Variants in ARIH1 observed in about 807,000 individuals in gnomAD.
ARIH1 encodes the protein E3 ubiquitin-protein ligase ARIH1.
In ARIH1, 8 loss-of-function variants were observed where a neutral mutation model predicts 85.0. The observed-to-expected ratio is 0.09, with a 90% CI of 0.06 to 0.17. The LOEUF (loss-of-function observed/expected upper bound fraction) is 0.17. ARIH1 is among the 10% of genes least tolerant of loss of function. The probability of loss-of-function intolerance (pLI) is 1.00; values close to 1 mark genes in which losing one functional copy is unlikely to be tolerated. For missense variants in ARIH1, 311 were observed against 718.1 expected, an observed-to-expected ratio of 0.43 and a Z score of 6.48; for synonymous variants, 238 against 253.6, an observed-to-expected ratio of 0.94 and a Z score of 0.59.
chr15:72,528,982 T>C (rs2064042951), intron 2 of ARIH1, among the ~76,000 whole-genome samples: 1 of 152,006 alleles, frequency 6.6e-6, no homozygotes, highest in South Asian at 2.1e-4. Flanking sequence ...GGGCGGATCA[T>C]GAGGTCAGGA....
At chr15:72,475,133 G>T (rs1404254079) in intron 1 of ARIH1, 119 bp downstream of exon 1, 4 of 1,439,196 alleles carry the variant, frequency 2.8e-6, no homozygotes, top group African/African-American at 1.5e-5. Flanking sequence ...GTGCCTCCCG[G>T]CCTTGTCTTC....
chr15:72,572,245 T>C (rs2064251687), intron 11 of ARIH1, 80 bp downstream of exon 11: 1 of 1,139,446 alleles, frequency 8.8e-7, no homozygotes, highest in African/African-American at 1.6e-5. Flanking sequence ...TAATTTTTTT[T>C]TTTTTTTTTT....
At chr15:72,510,768 A>AAAAC (rs2063947346) in intron 1 of ARIH1, among the ~76,000 whole-genome samples, 1 of 137,424 alleles carries the variant, frequency 7.3e-6, no homozygotes, top group African/African-American at 2.9e-5. Context: ...AAAAAAAAAA[A>AAAAC]AAGACTTTTT....
Position 72,594,541 on chromosome 15 carries a change from G to A in ARIH1, c.*11249G>A, listed in dbSNP as rs2064355364. Reference sequence around the variant, plus strand: ...ATTTTTTGTTTGTTTCTTTAGAGATGGGTCTCACTATGTTGCCCAGGTTGG... The same window carrying A: ...ATTTTTTGTTTGTTTCTTTAGAGATAGGTCTCACTATGTTGCCCAGGTTGG... On this transcript the variant is annotated 3_prime_UTR_variant, in exon 14 of 14. Coordinates refer to ENST00000379887, the MANE Select transcript of ARIH1 (RefSeq NM_005744.5). 6.6e-6 allele frequency: 1 copy of A among 152,018 alleles called. No individual in the cohort carries two copies. Among genetic ancestry groups the A allele is most frequent in the African/African-American group, 2.4e-5 (1 of 41,390 alleles). 9.4% of individuals were successfully genotyped at this position (152,018 alleles called of 1,614,324 possible).
intron 11 of ARIH1, among the ~76,000 whole-genome samples, chr15:72,578,942 G>A (rs571635533): frequency 1.3e-5 from 2 of 148,978 alleles, no homozygotes; most frequent in Admixed American, 6.8e-5. Flanking sequence ...ATGCCACCAC[G>A]CCCAGCTAAT....
At chr15:72,523,000 C>T (rs1449704785) in intron 2 of ARIH1, among the ~76,000 whole-genome samples, 1 of 152,110 alleles carries the variant, frequency 6.6e-6, no homozygotes, top group East Asian at 1.9e-4. Context: ...CAAATGTGGA[C>T]CAGGATGTGG....
At chr15:72,496,463 T>G (rs1212949991) in intron 1 of ARIH1, among the ~76,000 whole-genome samples, 2 of 152,214 alleles carry the variant, frequency 1.3e-5, no homozygotes, top group East Asian at 3.8e-4. Context: ...TCTATGGATG[T>G]GATAGTTTAT....
At chr15:72,569,801 C>G (rs1265426436) in intron 9 of ARIH1, among the ~76,000 whole-genome samples, 1 of 152,076 alleles carries the variant, frequency 6.6e-6, no homozygotes, top group African/African-American at 2.4e-5. Context: ...TCTCTCAGCC[C>G]TACTTAAAAA....
chr15:72,581,390 C>T (rs889065578), intron 12 of ARIH1: 11 of 166,548 alleles, frequency 6.6e-5, no homozygotes, highest in African/African-American at 2.2e-4. Flanking sequence ...AATTGCTATA[C>T]GGCACCTGGA....
At chr15:72,476,852 TG>T (rs1361820887) in intron 1 of ARIH1, among the ~76,000 whole-genome samples, 3 of 152,214 alleles carry the variant, frequency 2.0e-5, no homozygotes, top group Non-Finnish European at 2.9e-5. Flanking sequence ...GTGTTTTCAG[TG>T]GAAAAACATT....
At chr15:72,528,177 G>A (rs974436325) in intron 2 of ARIH1, among the ~76,000 whole-genome samples, 4 of 152,084 alleles carry the variant, frequency 2.6e-5, no homozygotes, top group African/African-American at 9.7e-5. Flanking sequence ...AGTATATAGG[G>A]TAAATGCTAA....
rs1595879537 is a variant in ARIH1, at chr15:72,599,903, A to T, written c.*16611A>T. 2 of 152,230 alleles carry T rather than the reference A, an allele frequency of 1.3e-5. No individual in the cohort carries two copies. Among genetic ancestry groups the T allele is most frequent in the Non-Finnish European group, 2.9e-5 (2 of 68,042 alleles). 9.4% of individuals were successfully genotyped at this position (152,230 alleles called of 1,614,324 possible). A position where few individuals can be genotyped will look rare whatever the true frequency, so the allele number is the denominator to read the frequency against. On this transcript the variant is annotated 3_prime_UTR_variant, in exon 14 of 14. Coordinates refer to ENST00000379887, the MANE Select transcript of ARIH1 (RefSeq NM_005744.5). ...TATATCTGTAGCATCAAGAATAGGC[A>T]TACTGAAAATCCTCCATGAAGTCCA...
chr15:72,513,539 T>A (rs1377697571), intron 1 of ARIH1, among the ~76,000 whole-genome samples: 14 of 152,172 alleles, frequency 9.2e-5, no homozygotes, highest in Non-Finnish European at 1.6e-4. Flanking sequence ...AAAAATAGTG[T>A]ATAATATTTA....
At chr15:72,487,744 T>G (rs2063843118) in intron 1 of ARIH1, among the ~76,000 whole-genome samples, 2 of 152,332 alleles carry the variant, frequency 1.3e-5, no homozygotes, top group South Asian at 4.1e-4. Context: ...TTTTGCCTCC[T>G]TGTCTCTGGG....
chr15:72,545,673 A>C (rs529298093), intron 3 of ARIH1, among the ~76,000 whole-genome samples: 28 of 152,308 alleles, frequency 1.8e-4, no homozygotes, highest in Non-Finnish European at 2.9e-4. Flanking sequence ...CTAAAAATAC[A>C]AAAAAATTAT....
At chr15:72,557,259 C>T (rs1404890964) in intron 5 of ARIH1, among the ~76,000 whole-genome samples, 1 of 151,804 alleles carries the variant, frequency 6.6e-6, no homozygotes, top group East Asian at 1.9e-4. Flanking sequence ...GCGTATATGT[C>T]TTCTTGAGAA....
chr15:72,576,840 C>T (rs183753902), intron 11 of ARIH1, among the ~76,000 whole-genome samples: 2 of 152,208 alleles, frequency 1.3e-5, no homozygotes, highest in African/African-American at 2.4e-5. Context: ...GCCCTACCTC[C>T]GCAATGGAAA....
intron 1 of ARIH1, among the ~76,000 whole-genome samples, chr15:72,482,452 T>C (rs1192562419): frequency 6.6e-6 from 1 of 151,968 alleles, no homozygotes. Flanking sequence ...AGGATTTGGG[T>C]GGATAAAAAA....
intron 1 of ARIH1, among the ~76,000 whole-genome samples, chr15:72,485,341 G>A (rs544057268): frequency 6.6e-6 from 1 of 152,224 alleles, no homozygotes; most frequent in African/African-American, 2.4e-5. Context: ...TGGGTCTCTG[G>A]GGGGTTTGGA....
Sources: gnomAD v4.1 joint callset for allele counts (sites outside exome capture counted in the v4.1 genomes callset) on GRCh38, gnomAD v4.1.1 for gene constraint, MANE v1.5 for transcripts, NCBI Gene and HGNC (gene_info 2026-07-23, HGNC 2026-07-21) for gene names.